The following CACNA2D4 variants were observed in gnomAD, a reference collection of about 807,000 sequenced individuals.
The protein encoded by CACNA2D4 is voltage-dependent calcium channel subunit alpha-2/delta-4.
A neutral mutation model predicts 163.8 loss-of-function variants in CACNA2D4; 157 were observed. The observed-to-expected ratio is 0.96, with a 90% CI of 0.84 to 1.09. The LOEUF is 1.09. CACNA2D4 is among the 50% of genes least tolerant of loss of function. CACNA2D4 has a pLI of 0.00. For synonymous variants in CACNA2D4, 598 were observed against 586.9 expected (o/e 1.02, Z -0.27); for missense variants, 1,410 against 1,479.9 (o/e 0.95, Z 0.78).
chr12:1,884,360 C>T (rs747069338), intron 11 of CACNA2D4, 39 bp from the exon 12 acceptor site: 170 of 1,530,950 alleles, frequency 1.1e-4, no homozygotes, highest in Non-Finnish European at 1.5e-4. Context: ...CAGCAAAATT[C>T]CCGGCCATAA....
At chr12:1,880,066 G>A (rs1481678278) in intron 13 of CACNA2D4, among the ~76,000 whole-genome samples, 185 bp from the exon 14 acceptor site, 1 of 152,234 alleles carries the variant, frequency 6.6e-6, no homozygotes, top group Non-Finnish European at 1.5e-5. Context: ...TGGCAGGAAT[G>A]CTGGGGGCCA....
rs961369779 is a variant in CACNA2D4 at position 1,860,303 on chromosome 12, T to C, written c.1879-97A>G. The C allele has an allele frequency of 1.2e-5, 10 of 855,726 alleles. No homozygotes were observed. In the African/African-American group the frequency reaches 1.3e-4, roughly 11 times the overall value. 53.0% of individuals were successfully genotyped at this position (855,726 alleles called of 1,614,324 possible). A position where few individuals can be genotyped will look rare whatever the true frequency, so the allele number is the denominator to read the frequency against. Reference sequence around the variant, plus strand: ...GCTCTTGGGGTCTTCATCGTCACTGTACAGTCCCTCCGCCTTCTTGTCTCC... The same window carrying C: ...GCTCTTGGGGTCTTCATCGTCACTGCACAGTCCCTCCGCCTTCTTGTCTCC... On this transcript the variant is annotated intron_variant, in intron 18 of 37. Transcript: ENST00000382722.
chr12:1,793,817 G>C (rs1863040344), intron 37 of CACNA2D4, 58 bp from the exon 38 acceptor site: 3 of 1,447,856 alleles, frequency 2.1e-6, no homozygotes, highest in Non-Finnish European at 2.9e-6. Flanking sequence ...CTCAAAAAGG[G>C]AGGGGCTTCC....
rs992527207 is a variant in CACNA2D4 at position 1,806,798 on chromosome 12, C to CT, written c.2721+3479dup. On this transcript the variant is annotated intron_variant, in intron 29 of 37. Coordinates refer to ENST00000382722, the MANE Select transcript of CACNA2D4 (RefSeq NM_172364.5). The surrounding 1 kb of genome is among the most constrained non-coding windows in gnomAD (Gnocchi z 4.1). ...GTGGGACCCTGGCAAATCTGCATCT[C>CT]TAACAAGCTCCCAGATGCTGGGGCT... is the stretch of plus-strand genomic sequence containing the variant. Among the ~76,000 whole-genome samples, 1 of 152,164 alleles carries CT rather than the reference C, an allele frequency of 6.6e-6. No individual in the cohort carries two copies. The highest frequency in any genetic ancestry group is 1.5e-5 in the Non-Finnish European group (1 of 68,042).
chr12:1,804,749 C>T (rs946422291), intron 29 of CACNA2D4, among the ~76,000 whole-genome samples: 1 of 152,270 alleles, frequency 6.6e-6, no homozygotes, highest in African/African-American at 2.4e-5. Context: ...TCCCCATCCT[C>T]GCTCTTGCGC....
At chr12:1,909,483 C>G (rs1215624390) in intron 4 of CACNA2D4, among the ~76,000 whole-genome samples, 1 of 152,236 alleles carries the variant, frequency 6.6e-6, no homozygotes, top group Non-Finnish European at 1.5e-5. Flanking sequence ...CGTGAGCCAC[C>G]GCGCCTGGGC....
At chr12:1,854,243 A>G (rs1455724263) in intron 22 of CACNA2D4, among the ~76,000 whole-genome samples, 199 bp from the exon 23 acceptor site, 1 of 152,172 alleles carries the variant, frequency 6.6e-6, no homozygotes, top group Non-Finnish European at 1.5e-5. Flanking sequence ...ATGTCAGTAC[A>G]ACAGCTTGAT....
intron 4 of CACNA2D4, among the ~76,000 whole-genome samples, chr12:1,908,390 AC>A (rs1432291299): frequency 1.3e-5 from 2 of 152,012 alleles, no homozygotes; most frequent in Non-Finnish European, 2.9e-5. Flanking sequence ...AGCCCCCTCC[AC>A]TTCTCGCAGG....
chr12:1,847,880 C>T (rs886370598), intron 23 of CACNA2D4, among the ~76,000 whole-genome samples: 12 of 151,682 alleles, frequency 7.9e-5, no homozygotes, highest in Non-Finnish European at 4.4e-5. Context: ...AAAAAAACTT[C>T]GATGCCATTA....
Position 1,806,456 on chromosome 12 carries a change from G to A in CACNA2D4, c.2721+3822C>T, listed in dbSNP as rs1863540492. On this transcript the variant is annotated intron_variant, in intron 29 of 37. Transcript: ENST00000382722. The surrounding 1 kb of genome is among the most constrained non-coding windows in gnomAD (Gnocchi z 4.1). ...GCTGGCTGCAGATGAGGCCCTTGTGGTTTCCCCACTCACTGACTACGGGGA... is the reference window on the plus strand; with the variant it reads ...GCTGGCTGCAGATGAGGCCCTTGTGATTTCCCCACTCACTGACTACGGGGA... 6.6e-6 allele frequency among the ~76,000 whole-genome samples: 1 copy of A among 152,192 alleles called. No homozygotes were observed. The highest frequency in any genetic ancestry group is 2.4e-5 in the African/African-American group (1 of 41,440).
intron 25 of CACNA2D4, among the ~76,000 whole-genome samples, chr12:1,841,676 T>C (rs1428857921): frequency 6.6e-6 from 1 of 152,246 alleles, no homozygotes; most frequent in Non-Finnish European, 1.5e-5. Context: ...CAGTTTCTGA[T>C]GTGCTATCAC....
chr12:1,905,427 T>C (rs942417620), intron 6 of CACNA2D4, among the ~76,000 whole-genome samples: 2 of 152,126 alleles, frequency 1.3e-5, no homozygotes, highest in Non-Finnish European at 2.9e-5. Flanking sequence ...ATTATGTCTG[T>C]TCACAGATGA....
chr12:1,793,663 G>A lies in CACNA2D4; in HGVS notation c.3406C>T (p.Leu1136=), dbSNP rs1863035137. 1.9e-6 allele frequency: 3 copies of A among 1,613,670 alleles called. No individual in the cohort carries two copies. The highest frequency in any genetic ancestry group is 2.2e-5 in the East Asian group (1 of 44,896). The change falls in exon 38 of 38, where the codon CTG becomes TTG. Residue 1136 remains leucine, a synonymous_variant. Coordinates refer to ENST00000382722, the MANE Select transcript of CACNA2D4 (RefSeq NM_172364.5). Reference sequence around the variant, plus strand: ...GGTCAGGCTGGGTGGTGTCACCGCAGGAGTTGGGGCAGTAGCCCCCAGGCA... The same window carrying A: ...GGTCAGGCTGGGTGGTGTCACCGCAAGAGTTGGGGCAGTAGCCCCCAGGCA... ...VCAWGLLPQL[L]R is the part of the protein sequence containing the mutation.
In CACNA2D4 at chr12:1,820,490, CTCG is replaced by C. The variant is rs1360667385; in HGVS notation, c.2552-8770_2552-8768del. On this transcript the variant is annotated intron_variant, in intron 26 of 37. Transcript: ENST00000382722. The surrounding 1 kb of genome is among the most constrained non-coding windows in gnomAD (Gnocchi z 6.0). ...GCTGTCACTCCCCGCTCCACTCTGGCTCGCTGCTCGCGCACACGCGTGCGCTCT... is the reference window on the plus strand; with the variant it reads ...GCTGTCACTCCCCGCTCCACTCTGGCCTGCTCGCGCACACGCGTGCGCTCT... 6.6e-6 allele frequency: 1 copy of C among 152,360 alleles called. No homozygotes were observed. Among genetic ancestry groups the C allele is most frequent in the African/African-American group, 2.4e-5 (1 of 41,472 alleles). The allele number at this position is 152,360 out of a possible 1,614,324, so 9.4% of individuals were successfully genotyped here. A position where few individuals can be genotyped will look rare whatever the true frequency, so the allele number is the denominator to read the frequency against.
chr12:1,801,204 C>A (rs1000055119), intron 30 of CACNA2D4, 86 bp from the exon 31 acceptor site: 3 of 1,106,260 alleles, frequency 2.7e-6, no homozygotes, highest in South Asian at 2.5e-5. Flanking sequence ...GCAGAGCATC[C>A]GTTTACCGCA....
At chr12:1,879,669 G>A in intron 14 of CACNA2D4, 135 bp downstream of exon 14, 1 of 724,052 alleles carries the variant, frequency 1.4e-6, no homozygotes, top group Middle Eastern at 2.7e-4. Context: ...CTCTGGGACA[G>A]GCCTGGAAAT....
chr12:1,800,588 C>G lies in CACNA2D4; in HGVS notation c.2869-150G>C, dbSNP rs925271852. 12 of 725,746 alleles carry G rather than the reference C, an allele frequency of 1.7e-5. No homozygotes were observed. The Admixed American group carries it at 2.5e-4, about 15-fold the overall frequency. The allele number at this position is 725,746 out of a possible 1,614,324, so 45.0% of individuals were successfully genotyped here. A position where few individuals can be genotyped will look rare whatever the true frequency, so the allele number is the denominator to read the frequency against. Reference sequence around the variant, plus strand: ...AGCAGAGCACAGGCCAGCAGCCCAGCACCCCCCATCCCCCCACCTCCCACC... The same window carrying G: ...AGCAGAGCACAGGCCAGCAGCCCAGGACCCCCCATCCCCCCACCTCCCACC... On this transcript the variant is annotated intron_variant, in intron 31 of 37. Transcript: ENST00000382722.
At position 1,883,255 on chromosome 12, in the gene CACNA2D4, G is replaced by C. The variant is rs1866050013; in HGVS notation, c.1352-255C>G. Among the ~76,000 whole-genome samples, 4 of 152,190 alleles carry C rather than the reference G, an allele frequency of 2.6e-5. No individual in the cohort carries two copies. The South Asian group carries it at 8.3e-4, about 31-fold the overall frequency. ...GCTGTCCCACCCAGAGCTCCGGAAG[G>C]AGCAGCAGGGCCTGACGCAAGAGTG... On this transcript the variant is annotated intron_variant, in intron 12 of 37. Coordinates refer to ENST00000382722, the MANE Select transcript of CACNA2D4 (RefSeq NM_172364.5). The surrounding 1 kb of genome is among the most constrained non-coding windows in gnomAD (Gnocchi z 4.5).
In CACNA2D4 at chr12:1,878,091, C is replaced by T. The variant is rs1250946389; in HGVS notation, c.1719+224G>A. 6.6e-6 allele frequency among the ~76,000 whole-genome samples: 1 copy of T among 152,228 alleles called. No individual in the cohort carries two copies. The highest frequency in any genetic ancestry group is 1.5e-5 in the Non-Finnish European group (1 of 68,050). On this transcript the variant is annotated intron_variant, in intron 16 of 37. Transcript: ENST00000382722. This position sits in a 1 kb window ranked among gnomAD's most constrained non-coding sequence, Gnocchi z 4.6. ...AACTGCACACTTCGTTACGTGCTCT[C>T]TGGCCCACTCATCAGTCATTTCACA...
Sources: allele counts gnomAD v4.1 joint callset (sites outside exome capture counted in the v4.1 genomes callset), GRCh38; gene constraint gnomAD v4.1.1; non-coding constraint Gnocchi (gnomAD v3.1); transcripts MANE v1.5; gene names NCBI Gene and HGNC (gene_info 2026-07-23, HGNC 2026-07-21).